AFAP1: variants seen among roughly 807,000 people sequenced by gnomAD.
AFAP1 encodes the protein actin filament associated protein 1.
In AFAP1, 75 loss-of-function variants were observed where a neutral mutation model predicts 93.9. The ratio of observed to expected loss-of-function variants is 0.80; its 90% CI spans 0.66 to 0.97. The LOEUF is 0.97. Ranked by LOEUF, AFAP1 falls within the 50% of genes least tolerant of loss-of-function variation. AFAP1 has a pLI of 0.00. For synonymous variants in AFAP1, 517 were observed against 430.7 expected, an observed-to-expected ratio of 1.20 and a Z score of -2.48; for missense variants, 1,201 against 1,050.8, an observed-to-expected ratio of 1.14 and a Z score of -1.98.
intron 6 of AFAP1, among the ~76,000 whole-genome samples, chr4:7,836,392 G>C (rs2149102309): frequency 6.6e-6 from 1 of 152,356 alleles, no homozygotes; most frequent in South Asian, 2.1e-4. Flanking sequence ...GCAGGTAAGT[G>C]GCTGCCTAAG....
rs530613705 is a variant in AFAP1 at position 7,768,694 on chromosome 4, A to G, written c.2418+150T>C. ...GGATCTGCGGGGTGGTGAGAACTCGATAAGCACCCATTCCCAGATGTCTAC... is the reference window on the plus strand; with the variant it reads ...GGATCTGCGGGGTGGTGAGAACTCGGTAAGCACCCATTCCCAGATGTCTAC... On this transcript the variant is annotated intron_variant, in intron 17 of 17. Transcript: ENST00000420658. 9.9e-6 allele frequency: 10 copies of G among 1,006,916 alleles called. No homozygotes were observed. In the East Asian group the frequency reaches 2.1e-4, roughly 21 times the overall value. The allele number at this position is 1,006,916 out of a possible 1,614,324, so 62.4% of individuals were successfully genotyped here. A position where few individuals can be genotyped will look rare whatever the true frequency, so the allele number is the denominator to read the frequency against.
At chr4:7,882,175 C>T (rs1717888787) in intron 1 of AFAP1, among the ~76,000 whole-genome samples, 1 of 152,092 alleles carries the variant, frequency 6.6e-6, no homozygotes, top group East Asian at 1.9e-4. Context: ...CTCTGTGCAA[C>T]TCTATGCAGA....
chr4:7,906,687 C>A (rs2149221882), intron 1 of AFAP1, among the ~76,000 whole-genome samples: 1 of 152,342 alleles, frequency 6.6e-6, no homozygotes, highest in South Asian at 2.1e-4. Flanking sequence ...AGGTTTTCTG[C>A]CACTAGACTC....
intron 1 of AFAP1, among the ~76,000 whole-genome samples, chr4:7,931,023 A>G (rs554568225): frequency 1.5e-4 from 23 of 152,268 alleles, no homozygotes; most frequent in African/African-American, 5.5e-4. Flanking sequence ...AAAATCTGGG[A>G]TAAGTCATGA....
chr4:7,817,046 C>G (rs986563039), intron 7 of AFAP1, among the ~76,000 whole-genome samples: 3 of 152,148 alleles, frequency 2.0e-5, no homozygotes. Context: ...TAGAAACCAA[C>G]ATAAGTAAAG....
rs1560236352 is a variant in AFAP1, at chr4:7,918,978, TCGGCCCAGGTCACCAGGAAACAGGGCTGC to T, written c.-3+20649_-3+20677del. Among the ~76,000 whole-genome samples, 7 of 138,100 alleles carry T rather than the reference TCGGCCCAGGTCACCAGGAAACAGGGCTGC, an allele frequency of 5.1e-5. 1 individual carries two copies. Among genetic ancestry groups the T allele is most frequent in the Admixed American group, 7.5e-5 (1 of 13,260 alleles). 90.6% of individuals were successfully genotyped at this position (138,100 alleles called of 152,430 possible). ...GAAACAGGGCTGTTGGAAGAGACACTCGGCCCAGGTCACCAGGAAACAGGGCTGCGGATGAGACACTCGGCCCAGGTCAC... is the reference window on the plus strand; with the variant it reads ...GAAACAGGGCTGTTGGAAGAGACACTGGATGAGACACTCGGCCCAGGTCAC... On this transcript the variant is annotated intron_variant, in intron 1 of 17. Transcript: ENST00000420658.
chr4:7,896,088 C>T (rs1012061630), intron 1 of AFAP1, among the ~76,000 whole-genome samples: 16 of 151,776 alleles, frequency 1.1e-4, no homozygotes, highest in East Asian at 3.9e-4. Flanking sequence ...CTCGAACTCC[C>T]GACTTCAGGT....
At chr4:7,855,295 G>C (rs1441375995) in intron 4 of AFAP1, among the ~76,000 whole-genome samples, 171 bp downstream of exon 4, 1 of 152,240 alleles carries the variant, frequency 6.6e-6, no homozygotes, top group Non-Finnish European at 1.5e-5. Context: ...GAGGCACTCG[G>C]TGTCCTTCTC....
rs1713264152 is a variant in AFAP1 at position 7,843,192 on chromosome 4, G to A, written c.493C>T (p.Arg165Trp). 6 of 1,614,080 alleles carry A rather than the reference G, an allele frequency of 3.7e-6. No homozygotes were observed. The highest frequency in any genetic ancestry group is 1.7e-5 in the Admixed American group (1 of 60,008). Residue 165 changes from arginine (R) to tryptophan (W), a missense_variant, in exon 5 of 18, where the codon CGG becomes TGG. By Grantham distance (101) the Arg-to-Trp change is moderately radical. Transcript: ENST00000420658. ...AGCAACTTGGTCCACTGGCCGAACCGCTTCTTCCGCAGCAGGAAGGCGCAG... is the reference window on the plus strand; with the variant it reads ...AGCAACTTGGTCCACTGGCCGAACCACTTCTTCCGCAGCAGGAAGGCGCAG... ...KICAFLLRKK[R>W]FGQWTKLLCV... is the part of the protein sequence containing the mutation.
chr4:7,817,840 G>C (rs929731939), intron 7 of AFAP1, among the ~76,000 whole-genome samples: 1 of 151,508 alleles, frequency 6.6e-6, no homozygotes, highest in African/African-American at 2.4e-5. Flanking sequence ...TTGAACTCAG[G>C]AAAGAGTGGT....
intron 1 of AFAP1, among the ~76,000 whole-genome samples, chr4:7,885,486 C>A (rs1380190447): frequency 6.6e-6 from 1 of 152,204 alleles, no homozygotes; most frequent in Admixed American, 6.5e-5. Flanking sequence ...GCCTCTCTCC[C>A]GCTATGCTGT....
intron 1 of AFAP1, among the ~76,000 whole-genome samples, chr4:7,929,926 A>T (rs1720969918): frequency 6.6e-6 from 1 of 152,206 alleles, no homozygotes; most frequent in South Asian, 2.1e-4. Context: ...TGGTGTCAGG[A>T]CCTAGACACA....
In AFAP1 at chr4:7,918,840, G is replaced by A. The variant is rs550669493; in HGVS notation, c.-3+20816C>T. 7.3e-5 allele frequency among the ~76,000 whole-genome samples: 8 copies of A among 108,856 alleles called. No individual in the cohort carries two copies. The South Asian group carries it at 2.7e-3, about 37-fold the overall frequency. The allele number at this position is 108,856 out of a possible 152,430, so 71.4% of individuals were successfully genotyped here. A position where few individuals can be genotyped will look rare whatever the true frequency, so the allele number is the denominator to read the frequency against. On this transcript the variant is annotated intron_variant, in intron 1 of 17. Transcript: ENST00000420658. ...ACTCGGCCCAGGTCACCCGCAAACA[G>A]GGCTGAGACGCTCGGCCCAGGTCAC...
intron 11 of AFAP1, chr4:7,788,591 C>T (rs1218599156): frequency 6.6e-6 from 1 of 152,166 alleles, no homozygotes; most frequent in Non-Finnish European, 1.5e-5. Flanking sequence ...AAGAAGAAAA[C>T]ATACAAGAAG....
intron 1 of AFAP1, among the ~76,000 whole-genome samples, chr4:7,891,400 C>T (rs1264856020): frequency 2.6e-5 from 4 of 152,144 alleles, no homozygotes; most frequent in African/African-American, 9.7e-5. Context: ...AGAGAGAAAA[C>T]CTAACTGGTC....
chr4:7,843,385 T>G lies in AFAP1; in HGVS notation c.335-35A>C, dbSNP rs778307774. The G allele has an allele frequency of 2.6e-6, 4 of 1,559,072 alleles. No homozygotes were observed. The East Asian group carries it at 9.2e-5, about 36-fold the overall frequency. On this transcript the variant is annotated intron_variant, in intron 4 of 17. Coordinates refer to ENST00000420658, the MANE Select transcript of AFAP1 (RefSeq NM_001134647.2). ...ATAAACATACACTGGTAAAAAGGAC[T>G]TCTTTACCTTGAAGTTTACCCGTGG...
chr4:7,877,087 G>T (rs1717553349), intron 1 of AFAP1, among the ~76,000 whole-genome samples: 1 of 152,128 alleles, frequency 6.6e-6, no homozygotes, highest in Non-Finnish European at 1.5e-5. Flanking sequence ...GATACTTAGT[G>T]ATCTTAAGGT....
At chr4:7,847,774 G>T (rs922524069) in intron 4 of AFAP1, among the ~76,000 whole-genome samples, 2 of 121,288 alleles carry the variant, frequency 1.6e-5, no homozygotes, top group African/African-American at 6.1e-5. Context: ...GAACAGGAAG[G>T]TTCTATTTCA....
At chr4:7,899,438 A>G (rs1348352889) in intron 1 of AFAP1, among the ~76,000 whole-genome samples, 2 of 152,224 alleles carry the variant, frequency 1.3e-5, no homozygotes, top group Non-Finnish European at 2.9e-5. Context: ...ACTGGTATGC[A>G]AATTATATTT....
Sources: gnomAD v4.1 joint callset for allele counts (sites outside exome capture counted in the v4.1 genomes callset) on GRCh38, gnomAD v4.1.1 for gene constraint, MANE v1.5 for transcripts, NCBI Gene and HGNC (gene_info 2026-07-23, HGNC 2026-07-21) for gene names.